Variants in PDE4B observed in about 807,000 individuals in gnomAD.
The protein encoded by PDE4B is 3',5'-cyclic-AMP phosphodiesterase 4B.
A neutral mutation model predicts 82.2 loss-of-function variants in PDE4B; 20 were observed. The ratio of observed to expected loss-of-function variants is 0.24; its 90% CI spans 0.17 to 0.35. The LOEUF (loss-of-function observed/expected upper bound fraction) is 0.35. Ranked by LOEUF, PDE4B falls within the 10% of genes least tolerant of loss-of-function variation. The probability of loss-of-function intolerance (pLI) is 1.00; values close to 1 mark genes in which losing one functional copy is unlikely to be tolerated. For missense variants in PDE4B, 655 were observed against 907.2 expected (o/e 0.72, Z 3.57); for synonymous variants, 320 against 318.9 (o/e 1.00, Z -0.04).
At chr1:65,999,927 A>G (rs1162330993) in intron 3 of PDE4B, among the ~76,000 whole-genome samples, 1 of 152,184 alleles carries the variant, frequency 6.6e-6, no homozygotes, top group Admixed American at 6.5e-5. Flanking sequence ...TTCTCCAATC[A>G]TCTCTCAATA....
At chr1:66,083,508 A>G (rs1483224393) in intron 3 of PDE4B, among the ~76,000 whole-genome samples, 1 of 152,092 alleles carries the variant, frequency 6.6e-6, no homozygotes, top group Non-Finnish European at 1.5e-5. Context: ...TATAAAACCA[A>G]GATTCTTCAT....
chr1:66,008,958 C>T (rs190705443), intron 3 of PDE4B, among the ~76,000 whole-genome samples: 10 of 152,136 alleles, frequency 6.6e-5, no homozygotes, highest in Admixed American at 4.6e-4. Context: ...AAATAACATC[C>T]GTATGCTGAT....
chr1:66,222,411 T>C (rs1651067214), intron 3 of PDE4B, among the ~76,000 whole-genome samples: 5 of 152,246 alleles, frequency 3.3e-5, no homozygotes, highest in Admixed American at 3.3e-4. Context: ...GTAATGTGTG[T>C]GCATTTTCTA....
At chr1:65,846,218 T>G (rs1646266826) in intron 1 of PDE4B, among the ~76,000 whole-genome samples, 1 of 152,160 alleles carries the variant, frequency 6.6e-6, no homozygotes, top group African/African-American at 2.4e-5. Context: ...TAGGAGCCAC[T>G]CTCCCTTAAT....
intron 3 of PDE4B, among the ~76,000 whole-genome samples, chr1:66,010,619 C>T (rs187939104): frequency 1.6e-3 from 249 of 150,980 alleles, no homozygotes; most frequent in Non-Finnish European, 1.8e-3. Context: ...CATAGGTTAA[C>T]CTTCTGTGAT....
intron 3 of PDE4B, among the ~76,000 whole-genome samples, chr1:66,173,529 G>A (rs2101352077): frequency 6.6e-6 from 1 of 152,318 alleles, no homozygotes; most frequent in East Asian, 1.9e-4. Context: ...AGTCTTTGAG[G>A]TGGCCCAATG....
chr1:66,003,491 G>C (rs1250956319), intron 3 of PDE4B, among the ~76,000 whole-genome samples: 1 of 152,100 alleles, frequency 6.6e-6, no homozygotes, highest in Non-Finnish European at 1.5e-5. Flanking sequence ...GTCTATTTCA[G>C]GATCCGCATA....
At chr1:65,878,699 G>A (rs1372702470) in intron 1 of PDE4B, among the ~76,000 whole-genome samples, 2 of 152,052 alleles carry the variant, frequency 1.3e-5, no homozygotes, top group South Asian at 2.1e-4. Context: ...CATGGACACA[G>A]GGAGGGGAAC....
intron 3 of PDE4B, among the ~76,000 whole-genome samples, chr1:65,924,325 C>T (rs1403334095): frequency 1.2e-4 from 18 of 151,176 alleles, no homozygotes; most frequent in African/African-American, 3.6e-4. Flanking sequence ...CCGCCCGCCT[C>T]GGCCTCCCAA....
intron 3 of PDE4B, among the ~76,000 whole-genome samples, chr1:66,096,508 T>TTTTATATATA (rs1553145340): frequency 3.7e-5 from 4 of 107,318 alleles, no homozygotes; most frequent in Admixed American, 1.1e-4. Context: ...GTAAAAAAAA[T>TTTTATATATA]TATATATATA....
intron 3 of PDE4B, among the ~76,000 whole-genome samples, chr1:66,002,445 C>T (rs1651917550): frequency 6.6e-6 from 1 of 152,036 alleles, no homozygotes; most frequent in South Asian, 2.1e-4. Context: ...AGGCATCTAT[C>T]ATAACATGAT....
chr1:66,043,561 G>T (rs1247185084), intron 3 of PDE4B, among the ~76,000 whole-genome samples: 1 of 151,676 alleles, frequency 6.6e-6, no homozygotes, highest in South Asian at 2.1e-4. Context: ...CTGCTCTTTC[G>T]GGGGTTTCTG....
At chr1:65,954,097 A>G (rs1649139371) in intron 3 of PDE4B, among the ~76,000 whole-genome samples, 2 of 152,030 alleles carry the variant, frequency 1.3e-5, no homozygotes, top group Admixed American at 6.6e-5. Context: ...GGGTTTCATC[A>G]TGTTGGCCAG....
At chr1:65,886,080 C>T (rs1211364236) in intron 1 of PDE4B, among the ~76,000 whole-genome samples, 15 of 150,992 alleles carry the variant, frequency 9.9e-5, no homozygotes, top group Admixed American at 9.2e-4. Flanking sequence ...AATATCTCAT[C>T]ATTTTTGAAT....
In PDE4B at chr1:66,022,491, A is replaced by C. The variant is rs191654573; in HGVS notation, c.281+103656A>C. 1.7e-4 allele frequency among the ~76,000 whole-genome samples: 26 copies of C among 152,244 alleles called. No homozygotes were observed. In the East Asian group the frequency reaches 5.0e-3, roughly 29 times the overall value. ...TTTGAGATATATGCCATCAGTACCTAATTTATTTGGAGTTTTTAGCTTGTA... is the reference window on the plus strand; with the variant it reads ...TTTGAGATATATGCCATCAGTACCTCATTTATTTGGAGTTTTTAGCTTGTA... On this transcript the variant is annotated intron_variant, in intron 3 of 16. Coordinates refer to ENST00000341517, the MANE Select transcript of PDE4B (RefSeq NM_002600.4).
intron 3 of PDE4B, among the ~76,000 whole-genome samples, chr1:66,228,393 G>T (rs1050299334): frequency 6.6e-6 from 1 of 152,162 alleles, no homozygotes; most frequent in Non-Finnish European, 1.5e-5. Context: ...GGGAGGCCAA[G>T]GCGGGCGGAT....
At chr1:66,195,566 T>A (rs545777018) in intron 3 of PDE4B, among the ~76,000 whole-genome samples, 2 of 152,308 alleles carry the variant, frequency 1.3e-5, no homozygotes, top group East Asian at 3.9e-4. Context: ...AACTTTGGAA[T>A]CAAAGTAGTT....
intron 7 of PDE4B, among the ~76,000 whole-genome samples, chr1:66,312,827 GC>G (rs1412703440): frequency 6.6e-6 from 1 of 152,150 alleles, no homozygotes; most frequent in African/African-American, 2.4e-5. Context: ...TGCTAAAATG[GC>G]AGAATTGTTT....
chr1:66,240,663 A>T (rs1404439014), intron 3 of PDE4B, among the ~76,000 whole-genome samples: 1 of 152,216 alleles, frequency 6.6e-6, no homozygotes, highest in Non-Finnish European at 1.5e-5. Context: ...ACCTTGTTCC[A>T]TACACTGCTG....
Sources: allele counts gnomAD v4.1 joint callset (sites outside exome capture counted in the v4.1 genomes callset), GRCh38; gene constraint gnomAD v4.1.1; transcripts MANE v1.5; gene names NCBI Gene and HGNC (gene_info 2026-07-23, HGNC 2026-07-21).